SRGAP2C: variants seen among roughly 807,000 people sequenced by gnomAD.
The protein encoded by SRGAP2C is SLIT-ROBO Rho GTPase-activating protein 2C.
A neutral mutation model predicts 25.1 loss-of-function variants in SRGAP2C; 15 were observed. That is an observed-to-expected ratio of 0.60 (90% CI 0.40 to 0.92). The LOEUF is 0.92. Ranked by LOEUF, SRGAP2C falls within the 40% of genes least tolerant of loss-of-function variation. The pLI is 0.00. For synonymous variants in SRGAP2C, 44 were observed against 96.6 expected (o/e 0.46, Z 3.19); for missense variants, 144 against 264.4 (o/e 0.54, Z 3.16).
chr1:121,268,340 G>A (rs587646771), intron 2 of SRGAP2C, among the ~76,000 whole-genome samples: 103 of 151,424 alleles, frequency 6.8e-4, no homozygotes, highest in South Asian at 1.0e-3. Context: ...TGCTTGCCAT[G>A]TTCTATGACC....
chr1:121,206,425 T>A (rs1284376637), intron 2 of SRGAP2C, among the ~76,000 whole-genome samples: 3 of 152,138 alleles, frequency 2.0e-5, no homozygotes, highest in African/African-American at 7.2e-5. Context: ...TTGATGACCT[T>A]GAAGATCAGC....
intron 4 of SRGAP2C, among the ~76,000 whole-genome samples, chr1:121,338,811 A>AT (rs1325596699): frequency 7.1e-6 from 1 of 140,894 alleles, no homozygotes; most frequent in Non-Finnish European, 1.5e-5. Context: ...AACATCTTCT[A>AT]TTTTTTATTT....
chr1:121,332,354 A>G (rs1388788219), intron 4 of SRGAP2C, among the ~76,000 whole-genome samples: 1 of 95,520 alleles, frequency 1.0e-5, no homozygotes, highest in African/African-American at 4.2e-5. Context: ...TAAAGCATCT[A>G]GGCTAGTTTC....
chr1:121,222,268 A>G (rs1304958782), intron 2 of SRGAP2C, among the ~76,000 whole-genome samples: 3 of 152,048 alleles, frequency 2.0e-5, no homozygotes, highest in African/African-American at 7.2e-5. Flanking sequence ...CTTTTCCCAT[A>G]GGGCTGCTGA....
At chr1:121,305,236 G>A (rs1455686621) in intron 3 of SRGAP2C, among the ~76,000 whole-genome samples, 1 of 151,762 alleles carries the variant, frequency 6.6e-6, no homozygotes, top group Non-Finnish European at 1.5e-5. Context: ...CTGCTCAGCT[G>A]TAGGCCATGA....
At chr1:121,265,125 G>A (rs1656738965) in intron 2 of SRGAP2C, among the ~76,000 whole-genome samples, 1 of 124,386 alleles carries the variant, frequency 8.0e-6, no homozygotes, top group South Asian at 2.9e-4. Context: ...CTTGAACCCA[G>A]GAGGCAGAGG....
At chr1:121,249,596 TTTA>T (rs1401979042) in intron 2 of SRGAP2C, among the ~76,000 whole-genome samples, 3 of 74,462 alleles carry the variant, frequency 4.0e-5, no homozygotes, top group Non-Finnish European at 5.4e-5. Flanking sequence ...TTTTTTTTTT[TTTA>T]AATTATACTT....
At chr1:121,315,191 G>A (rs1330505414) in intron 3 of SRGAP2C, 2 of 400,342 alleles carry the variant, frequency 5.0e-6, no homozygotes, top group African/African-American at 4.1e-5. Flanking sequence ...TACCCAGGCT[G>A]GTCATTTACA....
Position 121,347,057 on chromosome 1 carries a change from A to G in SRGAP2C, c.424-18236A>G, listed in dbSNP as rs1658763779. ...TTTGGGAGCTACCACAGCATAGGAA[A>G]TGAACATTAGACCAGGAATCAGGTA... On this transcript the variant is annotated intron_variant, in intron 4 of 9. Coordinates refer to ENST00000367123, the MANE Select transcript of SRGAP2C (RefSeq NM_001329984.2). Among the ~76,000 whole-genome samples the G allele has an allele frequency of 4.0e-5, 6 of 149,006 alleles. 1 individual carries two copies. In the Admixed American group the frequency reaches 4.0e-4, roughly 10 times the overall value.
At chr1:121,243,787 T>TG (rs1656173697) in intron 2 of SRGAP2C, among the ~76,000 whole-genome samples, 3 of 130,564 alleles carry the variant, frequency 2.3e-5, no homozygotes, top group South Asian at 2.3e-4. Context: ...TTTTTGTTTT[T>TG]TTTTTTTTTT....
At chr1:121,309,047 A>G (rs1331446887) in intron 3 of SRGAP2C, among the ~76,000 whole-genome samples, 1 of 134,574 alleles carries the variant, frequency 7.4e-6, no homozygotes, top group Non-Finnish European at 1.6e-5. Context: ...TTGTCTTTTC[A>G]GACATGATTC....
intron 2 of SRGAP2C, among the ~76,000 whole-genome samples, chr1:121,199,478 A>T (rs1553321308): frequency 1.3e-5 from 1 of 79,594 alleles, no homozygotes; most frequent in African/African-American, 6.0e-5. Context: ...TTCAGGGTTC[A>T]TGATTTTTGC....
At position 121,207,674 on chromosome 1, in the gene SRGAP2C, G is replaced by A. The variant is rs185032077; in HGVS notation, c.67+20161G>A. Among the ~76,000 whole-genome samples the A allele has an allele frequency of 7.2e-5, 11 of 152,308 alleles. No homozygotes were observed. The East Asian group carries it at 2.1e-3, about 29-fold the overall frequency. On this transcript the variant is annotated intron_variant, in intron 2 of 9. Transcript: ENST00000367123. ...AGGATATGTTGAAAGAGGGGATCAGGCTAAAACCATTTATAGGAAATTATA... is the reference window on the plus strand; with the variant it reads ...AGGATATGTTGAAAGAGGGGATCAGACTAAAACCATTTATAGGAAATTATA...
chr1:121,278,124 A>G (rs1284449346), intron 2 of SRGAP2C, among the ~76,000 whole-genome samples: 1 of 151,568 alleles, frequency 6.6e-6, no homozygotes, highest in African/African-American at 2.4e-5. Context: ...TAAAAAAAAA[A>G]TTTGTAGAGC....
At chr1:121,238,842 C>T (rs1347288977) in intron 2 of SRGAP2C, among the ~76,000 whole-genome samples, 12 of 138,182 alleles carry the variant, frequency 8.7e-5, no homozygotes, top group East Asian at 2.1e-4. Context: ...AGTGCAGTAG[C>T]GTGATCATGG....
At chr1:121,270,202 C>G (rs1202331712) in intron 2 of SRGAP2C, among the ~76,000 whole-genome samples, 3 of 150,378 alleles carry the variant, frequency 2.0e-5, no homozygotes, top group Non-Finnish European at 4.4e-5. Flanking sequence ...CTTTTTTACA[C>G]TTGAGTGATG....
intron 4 of SRGAP2C, among the ~76,000 whole-genome samples, chr1:121,331,138 C>A (rs1658419360): frequency 1.4e-4 from 2 of 14,530 alleles, no homozygotes; most frequent in African/African-American, 3.5e-4. Context: ...TGAGTAATGC[C>A]TCCCTCAAAA....
At chr1:121,357,583 T>C (rs1342292880) in intron 4 of SRGAP2C, among the ~76,000 whole-genome samples, 1 of 148,774 alleles carries the variant, frequency 6.7e-6, no homozygotes, top group Non-Finnish European at 1.5e-5. Context: ...TACAGAGTCA[T>C]TTAGTTCTTA....
intron 3 of SRGAP2C, among the ~76,000 whole-genome samples, chr1:121,287,711 G>A (rs1273893719): frequency 6.6e-6 from 1 of 152,210 alleles, no homozygotes; most frequent in Non-Finnish European, 1.5e-5. Flanking sequence ...CGCGGTGAGT[G>A]TTACAGCTCT....
Sources: gnomAD v4.1 joint callset for allele counts (sites outside exome capture counted in the v4.1 genomes callset) on GRCh38, gnomAD v4.1.1 for gene constraint, MANE v1.5 for transcripts, NCBI Gene and HGNC (gene_info 2026-07-23, HGNC 2026-07-21) for gene names.